The following NSD3 variants were observed in gnomAD, a reference collection of about 807,000 sequenced individuals.
The protein encoded by NSD3 is histone-lysine N-methyltransferase NSD3.
Under a neutral mutation model 160.8 loss-of-function variants are expected in NSD3, and 24 were observed. The observed-to-expected ratio is 0.15, with a 90% CI of 0.11 to 0.21. NSD3 has a LOEUF of 0.21. Among genes scored for constraint, NSD3 ranks in the 10% least tolerant of loss-of-function variants. The pLI, the probability that NSD3 is intolerant of heterozygous loss-of-function variation, is 1.00. For missense variants in NSD3, 1,157 were observed against 1,735.9 expected (o/e 0.67, Z 5.93); for synonymous variants, 520 against 600.0 (o/e 0.87, Z 1.95).
intron 12 of NSD3, among the ~76,000 whole-genome samples, chr8:38,307,203 G>A (rs1340092162): frequency 1.3e-5 from 2 of 150,874 alleles, no homozygotes; most frequent in African/African-American, 2.4e-5. Flanking sequence ...TATTATTTTT[G>A]AGACAGAGTC....
intron 12 of NSD3, among the ~76,000 whole-genome samples, chr8:38,311,217 C>A (rs752792005): frequency 3.9e-5 from 6 of 151,996 alleles, no homozygotes; most frequent in Non-Finnish European, 8.8e-5. Context: ...ACCTGGCCCC[C>A]TGATTACTCA....
At chr8:38,355,482 G>A (rs1158485293) in intron 1 of NSD3, among the ~76,000 whole-genome samples, 1 of 151,790 alleles carries the variant, frequency 6.6e-6, no homozygotes, top group Non-Finnish European at 1.5e-5. Flanking sequence ...GATTTTGTGA[G>A]TAAGACACAT....
chr8:38,300,229 A>G (rs1809248719), intron 14 of NSD3, among the ~76,000 whole-genome samples: 1 of 152,118 alleles, frequency 6.6e-6, no homozygotes, highest in Admixed American at 6.5e-5. Context: ...TGGTGTGATC[A>G]TGGCTCATTG....
At chr8:38,283,812 T>C (rs1808789668) in intron 19 of NSD3, among the ~76,000 whole-genome samples, 1 of 152,122 alleles carries the variant, frequency 6.6e-6, no homozygotes, top group South Asian at 2.1e-4. Context: ...GGAATTCAGT[T>C]AGAAAAACAG....
At chr8:38,311,909 G>GT (rs2131017177) in intron 12 of NSD3, among the ~76,000 whole-genome samples, 1 of 152,218 alleles carries the variant, frequency 6.6e-6, no homozygotes, top group East Asian at 1.9e-4. Context: ...TCTTCCAAGA[G>GT]TTTTATAGGT....
At chr8:38,290,080 A>G (rs956180190) in intron 17 of NSD3, among the ~76,000 whole-genome samples, 3 of 151,956 alleles carry the variant, frequency 2.0e-5, no homozygotes, top group African/African-American at 7.3e-5. Context: ...GCTGGGCATG[A>G]TAGTGGGCAC....
chr8:38,335,224 G>T (rs187525962), intron 4 of NSD3, among the ~76,000 whole-genome samples: 1 of 152,128 alleles, frequency 6.6e-6, no homozygotes, highest in Admixed American at 6.6e-5. Flanking sequence ...CTAACCTCAG[G>T]TGATCCACCC....
intron 1 of NSD3, among the ~76,000 whole-genome samples, chr8:38,370,669 T>C (rs1585932246): frequency 1.3e-5 from 2 of 152,130 alleles, no homozygotes; most frequent in South Asian, 4.1e-4. Context: ...CTTTATAATA[T>C]TGCTGGGTTT....
chr8:38,289,477 C>T lies in NSD3; in HGVS notation c.3147G>A (p.Gln1049=). The change falls in exon 18 of 24, where the codon CAG becomes CAA. Residue 1049 remains glutamine (Q), a synonymous_variant. Coordinates refer to ENST00000317025, the MANE Select transcript of NSD3 (RefSeq NM_023034.2). ...TACTTTCTCTTTGTGCTTTCAATTC[C>T]TGGAAACGTTTTGCAGCTTCTTCCA... ...KALEEAAKRF[Q]ELKAQRESKE... is the part of the protein sequence containing the mutation. 6.2e-7 allele frequency: 1 copy of T among 1,613,384 alleles called. No homozygotes were observed.
chr8:38,351,767 A>G (rs1810707914), intron 1 of NSD3, among the ~76,000 whole-genome samples: 1 of 152,044 alleles, frequency 6.6e-6, no homozygotes, highest in Admixed American at 6.6e-5. Flanking sequence ...AAACTATCGC[A>G]AGGACAAAAA....
intron 2 of NSD3, among the ~76,000 whole-genome samples, chr8:38,346,350 ATATAG>A (rs1308461379): frequency 1.4e-5 from 2 of 147,702 alleles, no homozygotes; most frequent in South Asian, 4.2e-4. Context: ...TATATAGTAT[ATATAG>A]TATATGTATA....
In NSD3 at chr8:38,271,602, G is replaced by A. The variant is rs1808484367; in HGVS notation, c.*4039C>T. On this transcript the variant is annotated 3_prime_UTR_variant, in exon 24 of 24. Transcript: ENST00000317025. ...CTACTTTTTGTTTTACAAATAACCAGAGACCAATTCTAGGTGGCCCTAGGC... is the reference window on the plus strand; with the variant it reads ...CTACTTTTTGTTTTACAAATAACCAAAGACCAATTCTAGGTGGCCCTAGGC... 6.6e-6 allele frequency: 1 copy of A among 152,204 alleles called. No homozygotes were observed. The highest frequency in any genetic ancestry group is 1.5e-5 in the Non-Finnish European group (1 of 68,044). The allele number at this position is 152,204 out of a possible 1,614,324, so 9.4% of individuals were successfully genotyped here. A position where few individuals can be genotyped will look rare whatever the true frequency, so the allele number is the denominator to read the frequency against.
chr8:38,295,967 A>G lies in NSD3; in HGVS notation c.2759-15T>C. The G allele has an allele frequency of 6.2e-7, 1 of 1,605,810 alleles. No individual in the cohort carries two copies. Among genetic ancestry groups the G allele is most frequent in the Non-Finnish European group, 8.5e-7 (1 of 1,177,326 alleles). On this transcript the variant is annotated splice_polypyrimidine_tract_variant and intron_variant, in intron 15 of 23. Coordinates refer to ENST00000317025, the MANE Select transcript of NSD3 (RefSeq NM_023034.2). ...CAATCTTCCACCTTGAAACAAATAAACAGTCTTAATAACTGAGAAAAGAGG... is the reference window on the plus strand; with the variant it reads ...CAATCTTCCACCTTGAAACAAATAAGCAGTCTTAATAACTGAGAAAAGAGG...
rs571110294 is a variant in NSD3 at position 38,301,205 on chromosome 8, A to G, written c.2612-1615T>C. Among the ~76,000 whole-genome samples, 8 of 152,284 alleles carry G rather than the reference A, an allele frequency of 5.3e-5. No individual in the cohort carries two copies. The East Asian group carries it at 1.5e-3, about 29-fold the overall frequency. ...AGGCTGGTCTTGAATTCCTGGGCTC[A>G]AGCAATCCTCCCACCTCAGCATCTC... On this transcript the variant is annotated intron_variant, in intron 14 of 23. Transcript: ENST00000317025.
intron 16 of NSD3, among the ~76,000 whole-genome samples, chr8:38,293,964 AT>A (rs1401772534): frequency 7.2e-6 from 1 of 139,702 alleles, no homozygotes; most frequent in South Asian, 2.5e-4. Context: ...AGAGAAATAT[AT>A]TTTACCTAGG....
At chr8:38,355,032 C>T (rs1168162484) in intron 1 of NSD3, among the ~76,000 whole-genome samples, 2 of 152,116 alleles carry the variant, frequency 1.3e-5, no homozygotes, top group African/African-American at 4.8e-5. Flanking sequence ...TTATGGGCAG[C>T]GGAGTCTGGC....
At chr8:38,327,525 C>T (rs1809946387) in intron 6 of NSD3, among the ~76,000 whole-genome samples, 1 of 151,984 alleles carries the variant, frequency 6.6e-6, no homozygotes, top group African/African-American at 2.4e-5. Flanking sequence ...CAGCTAATTC[C>T]AAGATACATT....
At chr8:38,286,877 A>G (rs1808871874) in intron 19 of NSD3, among the ~76,000 whole-genome samples, 1 of 152,190 alleles carries the variant, frequency 6.6e-6, no homozygotes, top group East Asian at 1.9e-4. Context: ...CACGGCAAAC[A>G]GCGCCTCCTC....
chr8:38,329,841 G>T lies in NSD3; in HGVS notation c.1118C>A (p.Ala373Asp). The change falls in exon 6 of 24, where the codon GCC becomes GAC. Residue 373 changes from alanine to aspartate, a missense_variant. Physicochemically the swap from Ala to Asp is moderately radical, Grantham distance 126. This residue lies in a region of NSD3 where 168 missense variants were observed against 208.1 expected (regional missense o/e 0.81). Coordinates refer to ENST00000317025, the MANE Select transcript of NSD3 (RefSeq NM_023034.2). The surrounding 1 kb of genome is among the most constrained non-coding windows in gnomAD (Gnocchi z 4.8). ...RERAQWDIGI[A>D]HAEKALKMTR... ...CATTTTCAATGCTTTCTCTGCATGG[G>T]CAATGCCAATATCCCACTGAGCACG... 6.2e-7 allele frequency: 1 copy of T among 1,611,600 alleles called. No individual in the cohort carries two copies. Among genetic ancestry groups the T allele is most frequent in the Non-Finnish European group, 8.5e-7 (1 of 1,179,226 alleles).
Sources: gnomAD v4.1 joint callset for allele counts (sites outside exome capture counted in the v4.1 genomes callset) on GRCh38, gnomAD v4.1.1 for gene constraint, gnomAD v4.1.1 regional missense constraint, Gnocchi (gnomAD v3.1) non-coding constraint, MANE v1.5 for transcripts, NCBI Gene and HGNC (gene_info 2026-07-23, HGNC 2026-07-21) for gene names.